Variants in SEMA3D observed in about 807,000 individuals in gnomAD.
The protein encoded by SEMA3D is semaphorin-3D.
Under a neutral mutation model 100.1 loss-of-function variants are expected in SEMA3D, and 84 were observed. That is an observed-to-expected ratio of 0.84 (90% CI 0.70 to 1.01). SEMA3D has a LOEUF of 1.01. Among genes scored for constraint, SEMA3D ranks in the 50% least tolerant of loss-of-function variants. The pLI is 0.00. For synonymous variants in SEMA3D, 312 were observed against 320.7 expected (o/e 0.97, Z 0.29); for missense variants, 875 against 934.1 (o/e 0.94, Z 0.82).
At chr7:85,163,025 G>A (rs998009723) in intron 1 of SEMA3D, 12 of 929,942 alleles carry the variant, frequency 1.3e-5, no homozygotes, top group Non-Finnish European at 1.5e-5. Context: ...GAAAGACAAG[G>A]ATGTGAAGTA....
At chr7:85,192,203 C>A in the SEMA3D span, among the ~76,000 whole-genome samples, 1 of 151,678 alleles carries the variant, frequency 6.6e-6, no homozygotes, top group African/African-American at 2.4e-5. Context: ...TCTAAAACAA[C>A]AAAAATGAAA....
chr7:85,068,357 A>G, intron 6 of SEMA3D, 73 bp from the exon 7 acceptor site: 1 of 798,818 alleles, frequency 1.3e-6, no homozygotes, highest in Non-Finnish European at 2.2e-6. Flanking sequence ...GGAGATACAA[A>G]CTAAATTCCA....
At chr7:85,073,422 T>C (rs1308095270) in intron 5 of SEMA3D, among the ~76,000 whole-genome samples, 2 of 144,582 alleles carry the variant, frequency 1.4e-5, no homozygotes, top group East Asian at 4.0e-4. Context: ...AAATTTTCTC[T>C]TTTTTTTTTT....
At position 85,097,804 on chromosome 7, in the gene SEMA3D, C is replaced by T. The variant is rs776680991; in HGVS notation, c.312+1G>A. 1.9e-6 allele frequency: 3 copies of T among 1,562,180 alleles called. No individual in the cohort carries two copies. Among genetic ancestry groups the T allele is most frequent in the Admixed American group, 3.5e-5 (2 of 57,760 alleles). On this transcript the variant is annotated splice_donor_variant, in intron 4 of 18. Transcript: ENST00000284136. LOFTEE classifies it high-confidence loss of function. Reference sequence around the variant, plus strand: ...CCAAATGTATATATAAATATACTGACCTTCTTAAAATTTTTGTTTAAGTCA... The same window carrying T: ...CCAAATGTATATATAAATATACTGATCTTCTTAAAATTTTTGTTTAAGTCA...
At chr7:85,095,527 G>A (rs1313318533) in intron 4 of SEMA3D, among the ~76,000 whole-genome samples, 1 of 152,036 alleles carries the variant, frequency 6.6e-6, no homozygotes, top group Non-Finnish European at 1.5e-5. Context: ...CAACATGTGT[G>A]GTTTCCTCCG....
At chr7:85,210,231 A>G in the SEMA3D span, among the ~76,000 whole-genome samples, 1 of 152,132 alleles carries the variant, frequency 6.6e-6, no homozygotes, top group Non-Finnish European at 1.5e-5. Flanking sequence ...ATTAGGGAAG[A>G]TAACCTATTA....
chr7:85,227,957 T>C, the SEMA3D span, among the ~76,000 whole-genome samples: 2 of 152,094 alleles, frequency 1.3e-5, no homozygotes. Context: ...ATTTAGAAAA[T>C]AATAAATTGT....
intron 2 of SEMA3D, among the ~76,000 whole-genome samples, chr7:85,127,662 A>G (rs1423609873): frequency 6.6e-6 from 1 of 152,168 alleles, no homozygotes; most frequent in African/African-American, 2.4e-5. Context: ...ATTACTGTGA[A>G]TGACTTTATT....
chr7:85,248,425 C>T, the SEMA3D span, among the ~76,000 whole-genome samples: 1 of 152,126 alleles, frequency 6.6e-6, no homozygotes, highest in African/African-American at 2.4e-5. Context: ...TGGTTCCTTA[C>T]AAAACTAAAA....
At chr7:85,043,569 T>C (rs1185224710) in intron 9 of SEMA3D, among the ~76,000 whole-genome samples, 2 of 152,110 alleles carry the variant, frequency 1.3e-5, no homozygotes, top group Non-Finnish European at 2.9e-5. Flanking sequence ...AATTAATATA[T>C]ACCTGTTGAT....
At chr7:85,134,435 C>A (rs992239374) in intron 2 of SEMA3D, among the ~76,000 whole-genome samples, 1 of 151,952 alleles carries the variant, frequency 6.6e-6, no homozygotes, top group Non-Finnish European at 1.5e-5. Context: ...ATTACAACTT[C>A]TGTACTTTTT....
At chr7:85,100,478 A>G (rs1269444464) in intron 3 of SEMA3D, among the ~76,000 whole-genome samples, 1 of 151,900 alleles carries the variant, frequency 6.6e-6, no homozygotes, top group Non-Finnish European at 1.5e-5. Flanking sequence ...AATGCTAATA[A>G]GGTAATAATA....
At chr7:85,025,756 C>T (rs1043678890) in intron 12 of SEMA3D, among the ~76,000 whole-genome samples, 1 of 151,822 alleles carries the variant, frequency 6.6e-6, no homozygotes, top group Non-Finnish European at 1.5e-5. Flanking sequence ...CGTCTTATAC[C>T]CCTGCTTATT....
intron 17 of SEMA3D, among the ~76,000 whole-genome samples, chr7:85,010,796 C>T (rs1789930052): frequency 1.3e-5 from 2 of 151,538 alleles, no homozygotes; most frequent in African/African-American, 4.8e-5. Context: ...GTGTCTGGTA[C>T]GTAAGGGTGA....
chr7:85,175,132 G>T (rs1221810647), intron 1 of SEMA3D, among the ~76,000 whole-genome samples: 1 of 152,156 alleles, frequency 6.6e-6, no homozygotes, highest in African/African-American at 2.4e-5. Context: ...GGGGAAAGTA[G>T]GCCTGAATGC....
chr7:85,171,433 C>T (rs979957876), intron 1 of SEMA3D, among the ~76,000 whole-genome samples: 8 of 151,854 alleles, frequency 5.3e-5, no homozygotes, highest in South Asian at 4.1e-4. Flanking sequence ...AGGGGAAACC[C>T]GGGAATTATG....
chr7:85,147,372 A>C (rs1460458711), intron 2 of SEMA3D, among the ~76,000 whole-genome samples: 1 of 151,846 alleles, frequency 6.6e-6, no homozygotes, highest in Non-Finnish European at 1.5e-5. Flanking sequence ...GCTGGTCTCA[A>C]AAACCAACCT....
chr7:85,060,803 G>A (rs971172358), intron 8 of SEMA3D, among the ~76,000 whole-genome samples: 2 of 152,092 alleles, frequency 1.3e-5, no homozygotes, highest in Non-Finnish European at 2.9e-5. Context: ...TCATGTGGAA[G>A]GAGAGTTTAC....
chr7:85,065,816 T>C (rs1268033041), intron 7 of SEMA3D, among the ~76,000 whole-genome samples: 2 of 152,184 alleles, frequency 1.3e-5, no homozygotes, highest in Non-Finnish European at 2.9e-5. Context: ...TAGCTTCCCT[T>C]TTGAATAAAT....
Sources: allele counts gnomAD v4.1 joint callset (sites outside exome capture counted in the v4.1 genomes callset), GRCh38; gene constraint gnomAD v4.1.1; transcripts MANE v1.5; gene names NCBI Gene and HGNC (gene_info 2026-07-23, HGNC 2026-07-21).